Variants in CD2 observed in about 807,000 individuals in gnomAD.
The protein encoded by CD2 is T-cell surface antigen CD2.
Under a neutral mutation model 23.2 loss-of-function variants are expected in CD2, and 18 were observed. The observed-to-expected ratio is 0.77, with a 90% CI of 0.54 to 1.15. The LOEUF (loss-of-function observed/expected upper bound fraction) is 1.15, where lower values mean the gene tolerates loss of function less well. CD2 is among the 50% of genes most tolerant of loss of function. The pLI, the probability that CD2 is intolerant of heterozygous loss-of-function variation, is 0.00. For synonymous variants in CD2, 162 were observed against 151.9 expected (o/e 1.07, Z -0.49); for missense variants, 424 against 423.1 (o/e 1.00, Z -0.02).
intron 3 of CD2, among the ~76,000 whole-genome samples, chr1:116,761,518 G>A (rs776941038): frequency 4.2e-4 from 64 of 152,280 alleles, no homozygotes; most frequent in Non-Finnish European, 8.4e-4. Flanking sequence ...TTCCCTCAGA[G>A]CCCTCTAAGA....
chr1:116,764,703 G>T, intron 4 of CD2, 97 bp downstream of exon 4: 1 of 894,386 alleles, frequency 1.1e-6, no homozygotes, highest in Admixed American at 2.0e-5. Context: ...GAAAATGATG[G>T]AAATAGGTAG....
At chr1:116,766,814 G>A (rs1361541880) in intron 4 of CD2, among the ~76,000 whole-genome samples, 1 of 151,922 alleles carries the variant, frequency 6.6e-6, no homozygotes, top group South Asian at 2.1e-4. Flanking sequence ...AGTGAGATAC[G>A]ATCACACACT....
intron 4 of CD2, among the ~76,000 whole-genome samples, chr1:116,766,091 A>T (rs939304304): frequency 6.6e-6 from 1 of 152,214 alleles, no homozygotes; most frequent in Admixed American, 6.5e-5. Context: ...ACAACCTGAA[A>T]GTTGGTGTGT....
chr1:116,764,624 T>C lies in CD2; in HGVS notation c.736+18T>C. 1.2e-6 allele frequency: 2 copies of C among 1,604,652 alleles called. No homozygotes were observed. The highest frequency in any genetic ancestry group is 1.7e-6 in the Non-Finnish European group (2 of 1,171,582). On this transcript the variant is annotated intron_variant, in intron 4 of 4. Transcript: ENST00000369478. Reference sequence around the variant, plus strand: ...GAGAAATGGTAAGCTCCCCCTCTTTTGTCCCACCGCAGGCCCCAGCAAAAT... The same window carrying C: ...GAGAAATGGTAAGCTCCCCCTCTTTCGTCCCACCGCAGGCCCCAGCAAAAT...
chr1:116,759,698 C>T (rs553486692), intron 2 of CD2, among the ~76,000 whole-genome samples: 2 of 152,334 alleles, frequency 1.3e-5, no homozygotes, highest in East Asian at 3.8e-4. Flanking sequence ...TTTTCTGATG[C>T]TCTGAGGAGG....
At chr1:116,763,543 G>A (rs1652120625) in intron 3 of CD2, among the ~76,000 whole-genome samples, 1 of 152,190 alleles carries the variant, frequency 6.6e-6, no homozygotes, top group Non-Finnish European at 1.5e-5. Flanking sequence ...AAACACCAGT[G>A]CGAGAACACT....
At chr1:116,755,859 G>A (rs191667083) in intron 2 of CD2, among the ~76,000 whole-genome samples, 87 of 152,206 alleles carry the variant, frequency 5.7e-4, no homozygotes, top group African/African-American at 1.5e-3. Context: ...AAGCCCGGGG[G>A]GATGCTGGGG....
chr1:116,756,644 T>C (rs1651858914), intron 2 of CD2, among the ~76,000 whole-genome samples: 1 of 152,146 alleles, frequency 6.6e-6, no homozygotes, highest in Non-Finnish European at 1.5e-5. Context: ...TAAAATGGCC[T>C]TCAGTATATT....
intron 1 of CD2, 37 bp from the exon 2 acceptor site, chr1:116,754,594 T>G (rs756556991): frequency 3.7e-6 from 6 of 1,609,332 alleles, no homozygotes; most frequent in South Asian, 2.2e-5. Context: ...CAGCTTTCCC[T>G]GAAAGTGACT....
chr1:116,755,065 C>A (rs1651794668), intron 2 of CD2, 114 bp downstream of exon 2: 2 of 704,824 alleles, frequency 2.8e-6, no homozygotes, highest in East Asian at 5.4e-5. Flanking sequence ...GGGGGCTATA[C>A]AGGAAACCAG....
chr1:116,765,122 G>A (rs1023351803), intron 4 of CD2, among the ~76,000 whole-genome samples: 6 of 152,182 alleles, frequency 3.9e-5, no homozygotes, highest in African/African-American at 1.2e-4. Context: ...TGTTAGGGTT[G>A]AGAGTTTTTC....
intron 3 of CD2, among the ~76,000 whole-genome samples, chr1:116,761,990 C>T (rs909082266): frequency 6.6e-6 from 1 of 151,790 alleles, no homozygotes; most frequent in Non-Finnish European, 1.5e-5. Context: ...GCCACCACAC[C>T]CAGCTAATTT....
intron 2 of CD2, among the ~76,000 whole-genome samples, chr1:116,757,232 G>C (rs994443457): frequency 1.3e-5 from 2 of 152,028 alleles, no homozygotes; most frequent in Non-Finnish European, 2.9e-5. Flanking sequence ...CCTGACCTCA[G>C]GGGATCCGCC....
At chr1:116,763,353 T>C (rs1270862342) in intron 3 of CD2, among the ~76,000 whole-genome samples, 1 of 152,206 alleles carries the variant, frequency 6.6e-6, no homozygotes, top group Non-Finnish European at 1.5e-5. Context: ...CTCCCTGGTA[T>C]GTTTTTGCCT....
At chr1:116,761,919 C>T (rs1472545094) in intron 3 of CD2, among the ~76,000 whole-genome samples, 1 of 152,196 alleles carries the variant, frequency 6.6e-6, no homozygotes. Context: ...CAGCCTCCAC[C>T]TCCCAGGCTC....
At chr1:116,757,787 A>G (rs1038273718) in intron 2 of CD2, among the ~76,000 whole-genome samples, 7 of 151,906 alleles carry the variant, frequency 4.6e-5, no homozygotes, top group African/African-American at 1.4e-4. Context: ...GCAGACAGAA[A>G]GAGACAGGGT....
At chr1:116,759,825 C>T (rs1423305351) in intron 2 of CD2, among the ~76,000 whole-genome samples, 1 of 152,196 alleles carries the variant, frequency 6.6e-6, no homozygotes, top group Non-Finnish European at 1.5e-5. Flanking sequence ...CTTGGACACC[C>T]ACACACTCAC....
chr1:116,763,073 G>A (rs759495332), intron 3 of CD2, among the ~76,000 whole-genome samples: 1 of 152,134 alleles, frequency 6.6e-6, no homozygotes, highest in Non-Finnish European at 1.5e-5. Context: ...CCTGCCCCTC[G>A]TCCAAGCCAG....
Position 116,768,861 on chromosome 1 carries a change from G to A in CD2, c.*78G>A, listed in dbSNP as rs1226890880. 2.9e-6 allele frequency: 4 copies of A among 1,401,504 alleles called. No individual in the cohort carries two copies. The East Asian group carries it at 6.9e-5, about 24-fold the overall frequency. 86.8% of individuals were successfully genotyped at this position (1,401,504 alleles called of 1,614,324 possible). ...CTGATGTGCATATCCGTACTTCCAT[G>A]AGGTGTTTTCTGTGTGCAGAACATT... On this transcript the variant is annotated 3_prime_UTR_variant, in exon 5 of 5. Coordinates refer to ENST00000369478, the MANE Select transcript of CD2 (RefSeq NM_001767.5).
Sources: allele counts gnomAD v4.1 joint callset (sites outside exome capture counted in the v4.1 genomes callset), GRCh38; gene constraint gnomAD v4.1.1; transcripts MANE v1.5; gene names NCBI Gene and HGNC (gene_info 2026-07-23, HGNC 2026-07-21).